Variants in CDH13 observed in about 807,000 individuals in gnomAD.
The protein encoded by CDH13 is cadherin-13.
A neutral mutation model predicts 63.8 loss-of-function variants in CDH13; 24 were observed. The observed-to-expected ratio is 0.38, with a 90% confidence interval of 0.27 to 0.53. CDH13 has a LOEUF of 0.53. Among genes scored for constraint, CDH13 ranks in the 20% least tolerant of loss-of-function variants. The pLI is 0.85. For synonymous variants in CDH13, 503 were observed against 355.3 expected, an observed-to-expected ratio of 1.42 and a Z score of -4.67; for missense variants, 1,049 against 903.1, an observed-to-expected ratio of 1.16 and a Z score of -2.07.
chr16:82,836,504 C>T lies in CDH13; in HGVS notation c.46-21858C>T, dbSNP rs16958749. Among the ~76,000 whole-genome samples, 11 of 152,028 alleles carry T rather than the reference C, an allele frequency of 7.2e-5. No homozygotes were observed. The East Asian group carries it at 1.9e-3, about 27-fold the overall frequency. On this transcript the variant is annotated intron_variant, in intron 1 of 13. Coordinates refer to ENST00000567109, the MANE Select transcript of CDH13 (RefSeq NM_001257.5). ...CATCTCAGTATACTGCCTAAAATTACGTGATATGCCAAAGTGGGTGTATGT... is the reference window on the plus strand; with the variant it reads ...CATCTCAGTATACTGCCTAAAATTATGTGATATGCCAAAGTGGGTGTATGT...
intron 6 of CDH13, among the ~76,000 whole-genome samples, chr16:83,381,495 G>C (rs1010343738): frequency 2.6e-5 from 4 of 151,390 alleles, no homozygotes; most frequent in Non-Finnish European, 5.9e-5. Flanking sequence ...AAAGCCCTGG[G>C]ATGCAGTTCT....
chr16:83,509,941 C>G (rs911038590), intron 7 of CDH13, among the ~76,000 whole-genome samples: 2 of 152,260 alleles, frequency 1.3e-5, no homozygotes, highest in Admixed American at 6.5e-5. Context: ...TGGCAAGACC[C>G]CGGACAGAGG....
intron 5 of CDH13, among the ~76,000 whole-genome samples, chr16:83,300,349 G>A (rs2089704359): frequency 6.6e-6 from 1 of 152,230 alleles, no homozygotes; most frequent in African/African-American, 2.4e-5. Flanking sequence ...TTTGCTAAAT[G>A]TGTACTTACT....
At chr16:83,233,033 G>C (rs577366338) in intron 5 of CDH13, among the ~76,000 whole-genome samples, 1 of 152,164 alleles carries the variant, frequency 6.6e-6, no homozygotes, top group East Asian at 1.9e-4. Context: ...CATTTTCATG[G>C]AGGTCAGTGT....
At chr16:83,673,723 G>A (rs1914712988) in intron 9 of CDH13, among the ~76,000 whole-genome samples, 1 of 152,202 alleles carries the variant, frequency 6.6e-6, no homozygotes, top group South Asian at 2.1e-4. Context: ...TTAAAATGCA[G>A]ATTTCTGGGC....
At chr16:82,671,528 T>C (rs1016176789) in intron 1 of CDH13, among the ~76,000 whole-genome samples, 1 of 152,222 alleles carries the variant, frequency 6.6e-6, no homozygotes, top group African/African-American at 2.4e-5. Context: ...ACCTTCAATA[T>C]CAAAGCAGAT....
In CDH13 at chr16:82,627,098, G is replaced by A. The variant is rs746398289; in HGVS notation, c.6G>A (p.Gln2=). The A allele has an allele frequency of 6.2e-7, 1 of 1,604,100 alleles. No individual in the cohort carries two copies. The highest frequency in any genetic ancestry group is 8.5e-7 in the Non-Finnish European group (1 of 1,175,600). The change falls in exon 1 of 14, where the codon CAG becomes CAA. Residue 2 remains glutamine, a synonymous_variant. Coordinates refer to ENST00000567109, the MANE Select transcript of CDH13 (RefSeq NM_001257.5). The part of the protein sequence containing the change: M[Q]PRTPLVLCVL... ...GGCGCTTCTAGTCGGACAAAATGCA[G>A]CCGAGAACTCCGCTCGTTCTGTGCG... is the stretch of plus-strand genomic sequence containing the variant.
chr16:82,671,412 T>C lies in CDH13; in HGVS notation c.45+44275T>C, dbSNP rs147546848. 6.6e-3 allele frequency among the ~76,000 whole-genome samples: 1,009 copies of C among 152,336 alleles called. 6 individuals carry two copies. Among genetic ancestry groups the C allele is most frequent in the African/African-American group, 0.021 (855 of 41,582 alleles). The stretch of plus-strand genomic sequence containing the variant: ...AACAAGACTTGTTCTTTTCCTGATG[T>C]TCAAGGGAGTAATTCCTTAAGCAAA... On this transcript the variant is annotated intron_variant, in intron 1 of 13. Transcript: ENST00000567109.
intron 2 of CDH13, among the ~76,000 whole-genome samples, chr16:82,860,916 A>T (rs1362790718): frequency 2.0e-5 from 3 of 151,740 alleles, no homozygotes; most frequent in East Asian, 1.9e-4. Flanking sequence ...AGCCAGTCTC[A>T]CTCTCCCCTC....
At chr16:83,038,872 A>T (rs1917096585) in intron 3 of CDH13, among the ~76,000 whole-genome samples, 1 of 152,344 alleles carries the variant, frequency 6.6e-6, no homozygotes, top group South Asian at 2.1e-4. Context: ...AGCTTGCCTG[A>T]TTATAGATCA....
At chr16:82,954,945 G>A (rs1567691124) in intron 2 of CDH13, among the ~76,000 whole-genome samples, 1 of 152,120 alleles carries the variant, frequency 6.6e-6, no homozygotes, top group Non-Finnish European at 1.5e-5. Flanking sequence ...GTTCATCCCT[G>A]TTGTAGCGTG....
intron 5 of CDH13, among the ~76,000 whole-genome samples, chr16:83,274,726 AG>A (rs368105492): frequency 1.3e-4 from 19 of 151,956 alleles, no homozygotes; most frequent in Admixed American, 3.9e-4. Context: ...ACCTGGTGGC[AG>A]GGGGGGTGTT....
chr16:82,663,790 G>T lies in CDH13; in HGVS notation c.45+36653G>T, dbSNP rs544706761. ...TAAGAACCAAGGTGGGGTTGGGGGT[G>T]ATCTCTGGTCCCCTTTGTGATCCTC... On this transcript the variant is annotated intron_variant, in intron 1 of 13. Coordinates refer to ENST00000567109, the MANE Select transcript of CDH13 (RefSeq NM_001257.5). Among the ~76,000 whole-genome samples the T allele has an allele frequency of 2.6e-5, 4 of 152,310 alleles. No homozygotes were observed. In the South Asian group the frequency reaches 8.3e-4, roughly 32 times the overall value.
chr16:83,659,248 C>G (rs550979489), intron 8 of CDH13, among the ~76,000 whole-genome samples: 1 of 148,794 alleles, frequency 6.7e-6, no homozygotes. Flanking sequence ...ATGTCCTCAC[C>G]ACCAGGTCCC....
chr16:83,461,294 G>T (rs143746407), intron 6 of CDH13, among the ~76,000 whole-genome samples: 1 of 152,034 alleles, frequency 6.6e-6, no homozygotes. Context: ...TATCAGCTAT[G>T]TAACATTTAT....
At chr16:83,414,859 G>T (rs1166129575) in intron 6 of CDH13, among the ~76,000 whole-genome samples, 1 of 152,122 alleles carries the variant, frequency 6.6e-6, no homozygotes, top group Non-Finnish European at 1.5e-5. Flanking sequence ...ATTGTGAATA[G>T]TGCTGCAGTG....
intron 2 of CDH13, among the ~76,000 whole-genome samples, chr16:82,967,075 C>G (rs1228167314): frequency 6.6e-6 from 1 of 152,114 alleles, no homozygotes; most frequent in Non-Finnish European, 1.5e-5. Context: ...TCTTTCGTGA[C>G]CATGACATAG....
At chr16:83,214,181 C>T (rs957012889) in intron 4 of CDH13, among the ~76,000 whole-genome samples, 1 of 152,074 alleles carries the variant, frequency 6.6e-6, no homozygotes, top group African/African-American at 2.4e-5. Context: ...GCAATAATGA[C>T]CACAGTGACA....
At chr16:83,060,327 G>A (rs1043097279) in intron 3 of CDH13, among the ~76,000 whole-genome samples, 1 of 152,170 alleles carries the variant, frequency 6.6e-6, no homozygotes, top group African/African-American at 2.4e-5. Flanking sequence ...GTTGATAAAT[G>A]CGTAGGTCTC....
Sources: allele counts gnomAD v4.1 joint callset (sites outside exome capture counted in the v4.1 genomes callset), GRCh38; gene constraint gnomAD v4.1.1; transcripts MANE v1.5; gene names NCBI Gene and HGNC (gene_info 2026-07-23, HGNC 2026-07-21).